The following PLXNA4 variants were observed in gnomAD, a reference collection of about 807,000 sequenced individuals.
PLXNA4 encodes plexin-A4.
A neutral mutation model predicts 191.8 loss-of-function variants in PLXNA4; 44 were observed. The ratio of observed to expected loss-of-function variants is 0.23; its 90% confidence interval spans 0.18 to 0.29. PLXNA4 has a LOEUF of 0.29. Ranked by LOEUF, PLXNA4 falls within the 10% of genes least tolerant of loss-of-function variation. The pLI is 1.00. For missense variants in PLXNA4, 1,800 were observed against 2,488.8 expected, an observed-to-expected ratio of 0.72 and a Z score of 5.89; for synonymous variants, 1,082 against 1,009.5, an observed-to-expected ratio of 1.07 and a Z score of -1.36.
chr7:132,165,245 G>C, intron 22 of PLXNA4, 45 bp from the exon 23 acceptor site: 1 of 1,597,560 alleles, frequency 6.3e-7, no homozygotes, highest in Non-Finnish European at 8.5e-7. Context: ...GACAAAGAAA[G>C]AAGCAGCTGG....
intron 23 of PLXNA4, among the ~76,000 whole-genome samples, chr7:132,164,848 T>C (rs1796055956): frequency 6.6e-6 from 1 of 152,216 alleles, no homozygotes; most frequent in Non-Finnish European, 1.5e-5. Flanking sequence ...TGTTTTTAAC[T>C]TCAAAGGAGG....
upstream of PLXNA4, among the ~76,000 whole-genome samples, chr7:132,579,964 T>C (rs1802371371): frequency 6.6e-6 from 1 of 152,070 alleles, no homozygotes; most frequent in African/African-American, 2.4e-5. Context: ...GGCCTCTACA[T>C]TGGAAGTTAG....
intron 3 of PLXNA4, among the ~76,000 whole-genome samples, chr7:132,337,778 A>G (rs777739891): frequency 3.3e-5 from 5 of 152,314 alleles, no homozygotes; most frequent in Middle Eastern, 3.4e-3. Flanking sequence ...TCCTTGTAAC[A>G]TATTTCCAGG....
Position 132,529,372 on chromosome 7 carries a change from G to T in PLXNA4, c.-86-20593C>A, listed in dbSNP as rs371013118. Among the ~76,000 whole-genome samples the T allele has an allele frequency of 9.9e-5, 15 of 152,098 alleles. No individual in the cohort carries two copies. In the South Asian group the frequency reaches 1.9e-3, roughly 19 times the overall value. ...GAGCTATATCTTTCTTACCCACCTC[G>T]TGGCATTTTGGAAAGAATAAAATTA... On this transcript the variant is annotated intron_variant, in intron 1 of 31. Coordinates refer to ENST00000321063, the MANE Select transcript of PLXNA4 (RefSeq NM_020911.2).
At chr7:132,496,643 G>A (rs182082999) in intron 2 of PLXNA4, among the ~76,000 whole-genome samples, 41 of 152,218 alleles carry the variant, frequency 2.7e-4, no homozygotes, top group African/African-American at 7.7e-4. Flanking sequence ...CTTGTGATCC[G>A]TCCACCTTGG....
chr7:132,646,918 T>C (rs1373803643), intron 1 of PLXNA4, among the ~76,000 whole-genome samples: 1 of 151,330 alleles, frequency 6.6e-6, no homozygotes, highest in South Asian at 2.1e-4. Context: ...TACACCAACA[T>C]ACACACACAT....
chr7:132,379,922 C>G (rs1390096774), intron 3 of PLXNA4, among the ~76,000 whole-genome samples: 1 of 152,232 alleles, frequency 6.6e-6, no homozygotes, highest in Non-Finnish European at 1.5e-5. Context: ...CTGGCCTTTA[C>G]TAGTCAAAGG....
intron 3 of PLXNA4, among the ~76,000 whole-genome samples, chr7:132,443,309 G>A (rs760570771): frequency 9.2e-5 from 14 of 152,194 alleles, no homozygotes; most frequent in Non-Finnish European, 2.1e-4. Context: ...AACTTTCCCG[G>A]CTTCTGGGCT....
intron 3 of PLXNA4, among the ~76,000 whole-genome samples, chr7:132,360,700 C>A (rs1189021039): frequency 1.3e-5 from 2 of 152,162 alleles, no homozygotes; most frequent in Non-Finnish European, 2.9e-5. Flanking sequence ...GTGCCTCTGT[C>A]CACCTCGGAG....
At chr7:132,480,845 T>C (rs1001853425) in intron 3 of PLXNA4, among the ~76,000 whole-genome samples, 1 of 152,142 alleles carries the variant, frequency 6.6e-6, no homozygotes. Flanking sequence ...AGAGCAGCCA[T>C]GGAGGCAGGA....
chr7:132,237,073 A>T (rs532279709), intron 5 of PLXNA4, among the ~76,000 whole-genome samples: 1 of 152,372 alleles, frequency 6.6e-6, no homozygotes, highest in South Asian at 2.1e-4. Context: ...CTTGATAGAC[A>T]TGTGGATTAC....
At chr7:132,241,024 G>A (rs1798858839) in intron 5 of PLXNA4, 42 bp downstream of exon 5, 1 of 1,435,826 alleles carries the variant, frequency 7.0e-7, no homozygotes, top group South Asian at 1.3e-5. Flanking sequence ...GAATTACCAG[G>A]AGGAAGTGGG....
intron 4 of PLXNA4, among the ~76,000 whole-genome samples, chr7:132,254,970 G>C (rs1799383944): frequency 6.6e-6 from 1 of 152,090 alleles, no homozygotes; most frequent in South Asian, 2.1e-4. Context: ...CTAATTCCAG[G>C]CTAATTTGGG....
chr7:132,353,605 C>T (rs1803577838), intron 3 of PLXNA4, among the ~76,000 whole-genome samples: 2 of 152,184 alleles, frequency 1.3e-5, no homozygotes, highest in South Asian at 2.1e-4. Context: ...TGTTGACTTT[C>T]CTGAAGCTCG....
intron 10 of PLXNA4, 74 bp downstream of exon 10, chr7:132,210,869 G>A: frequency 1.3e-6 from 2 of 1,507,270 alleles, no homozygotes; most frequent in Non-Finnish European, 9.1e-7. Context: ...GAGCTGATTT[G>A]GCTCCTAGAA....
intron 22 of PLXNA4, among the ~76,000 whole-genome samples, chr7:132,167,689 A>G (rs140422566): frequency 6.6e-6 from 1 of 152,240 alleles, no homozygotes; most frequent in East Asian, 1.9e-4. Flanking sequence ...GGTGTGCACC[A>G]TCATGCATAG....
At position 132,174,768 on chromosome 7, in the gene PLXNA4, T is replaced by G; in HGVS notation, c.4017+10A>C. On this transcript the variant is annotated intron_variant, in intron 21 of 31. Transcript: ENST00000321063. ...CTGCTCTAATGCCAGGATGGAGCAC[T>G]GCTTCTCACCTCAAGGTCCCGGAGG... is the stretch of plus-strand genomic sequence containing the variant. The G allele has an allele frequency of 6.2e-7, 1 of 1,613,336 alleles. No homozygotes were observed.
At chr7:132,569,613 A>T (rs577078367) in intron 1 of PLXNA4, among the ~76,000 whole-genome samples, 1 of 152,258 alleles carries the variant, frequency 6.6e-6, no homozygotes, top group Non-Finnish European at 1.5e-5. Flanking sequence ...GAAACATAAA[A>T]TGATTTTTCC....
intron 3 of PLXNA4, among the ~76,000 whole-genome samples, chr7:132,487,141 G>T (rs1797591897): frequency 6.6e-6 from 1 of 152,112 alleles, no homozygotes; most frequent in Non-Finnish European, 1.5e-5. Flanking sequence ...AACTCTCAAT[G>T]TTCATTTCAT....
Sources: gnomAD v4.1 joint callset for allele counts (sites outside exome capture counted in the v4.1 genomes callset) on GRCh38, gnomAD v4.1.1 for gene constraint, MANE v1.5 for transcripts, NCBI Gene and HGNC (gene_info 2026-07-23, HGNC 2026-07-21) for gene names.